The following BMPER variants were observed in gnomAD, a reference collection of about 807,000 sequenced individuals.
BMPER encodes BMP binding endothelial regulator, also known as BMP-binding endothelial regulator protein.
In BMPER, 45 loss-of-function variants were observed where a neutral mutation model predicts 87.3. The ratio of observed to expected loss-of-function variants is 0.52; its 90% CI spans 0.41 to 0.66. The LOEUF is 0.66. Ranked by LOEUF, BMPER falls within the 30% of genes least tolerant of loss-of-function variation. The probability of loss-of-function intolerance (pLI) is 0.00; values close to 1 mark genes in which losing one functional copy is unlikely to be tolerated. For synonymous variants in BMPER, 326 were observed against 316.2 expected, an observed-to-expected ratio of 1.03 and a Z score of -0.33; for missense variants, 784 against 867.5, an observed-to-expected ratio of 0.90 and a Z score of 1.21.
intron 2 of BMPER, among the ~76,000 whole-genome samples, chr7:33,917,906 T>G (rs1217331730): frequency 1.3e-5 from 2 of 152,204 alleles, no homozygotes; most frequent in East Asian, 3.9e-4. Context: ...AAGGCTATTT[T>G]TAGTAGGGAC....
chr7:33,989,457 AG>A (rs1585710440), intron 6 of BMPER, among the ~76,000 whole-genome samples: 1 of 151,644 alleles, frequency 6.6e-6, no homozygotes, highest in African/African-American at 2.4e-5. Flanking sequence ...ACTTTTTGAT[AG>A]GGTTGTTTGT....
chr7:33,973,423 G>A (rs1164378407), intron 5 of BMPER, among the ~76,000 whole-genome samples: 3 of 152,248 alleles, frequency 2.0e-5, no homozygotes, highest in Admixed American at 2.0e-4. Flanking sequence ...GTAGCATACA[G>A]ATCTTATGCC....
intron 2 of BMPER, among the ~76,000 whole-genome samples, chr7:33,917,352 G>T (rs1784109188): frequency 6.6e-6 from 1 of 152,096 alleles, no homozygotes; most frequent in Non-Finnish European, 1.5e-5. Context: ...TTTCTTTTAA[G>T]GACAAAGGCC....
rs118049461 is a variant in BMPER at position 34,153,795 on chromosome 7, G to A, written c.*522G>A. On this transcript the variant is annotated 3_prime_UTR_variant, in exon 15 of 15. Transcript: ENST00000649409. ...GAAAGACAGCAGGAGATTGGTGACC[G>A]GCCCTAATGGTGCATGAAAAGCGAG... 564 of 167,214 alleles carry A rather than the reference G, an allele frequency of 3.4e-3. 21 individuals are homozygous for A. The East Asian group carries it at 0.077, about 23-fold the overall frequency. The allele number at this position is 167,214 out of a possible 1,614,324, so 10.4% of individuals were successfully genotyped here.
chr7:34,061,726 G>A (rs1788439490), intron 10 of BMPER, among the ~76,000 whole-genome samples: 1 of 152,148 alleles, frequency 6.6e-6, no homozygotes, highest in African/African-American at 2.4e-5. Flanking sequence ...CCTTCCATGT[G>A]AGAAAAATCA....
At chr7:34,134,432 G>T (rs1202583009) in intron 13 of BMPER, among the ~76,000 whole-genome samples, 1 of 152,162 alleles carries the variant, frequency 6.6e-6, no homozygotes, top group Non-Finnish European at 1.5e-5. Flanking sequence ...AGACCATCTT[G>T]CAAGATTTGC....
In BMPER at chr7:34,153,722, T is replaced by G. The variant is rs945580655; in HGVS notation, c.*449T>G. 5.2e-6 allele frequency: 1 copy of G among 192,796 alleles called. No individual in the cohort carries two copies. Among genetic ancestry groups the G allele is most frequent in the African/African-American group, 2.4e-5 (1 of 42,016 alleles). The allele number at this position is 192,796 out of a possible 1,614,324, so 11.9% of individuals were successfully genotyped here. A position where few individuals can be genotyped will look rare whatever the true frequency, so the allele number is the denominator to read the frequency against. ...ATGTGTTTCTCTGGAGAAGGGCACATTTATCTAGGGGCATTTCAGGTTTCC... is the reference window on the plus strand; with the variant it reads ...ATGTGTTTCTCTGGAGAAGGGCACAGTTATCTAGGGGCATTTCAGGTTTCC... On this transcript the variant is annotated 3_prime_UTR_variant, in exon 15 of 15. Transcript: ENST00000649409.
At chr7:34,122,930 T>A (rs545970611) in intron 13 of BMPER, among the ~76,000 whole-genome samples, 1 of 152,324 alleles carries the variant, frequency 6.6e-6, no homozygotes, top group Middle Eastern at 3.4e-3. Context: ...GCTCTTCGGA[T>A]TAGTTCTTAT....
intron 3 of BMPER, among the ~76,000 whole-genome samples, chr7:33,952,299 C>T (rs1034873638): frequency 2.0e-5 from 3 of 152,130 alleles, no homozygotes; most frequent in Non-Finnish European, 4.4e-5. Context: ...GAGTAAACTG[C>T]TCAGCACTTT....
At chr7:34,025,954 T>G (rs953867688) in intron 6 of BMPER, among the ~76,000 whole-genome samples, 4 of 151,990 alleles carry the variant, frequency 2.6e-5, no homozygotes, top group Non-Finnish European at 5.9e-5. Flanking sequence ...GTCAGGGTAA[T>G]GAGTTGGTCT....
At chr7:33,945,680 GACCTTT>G (rs1485596197) in intron 3 of BMPER, among the ~76,000 whole-genome samples, 1 of 152,142 alleles carries the variant, frequency 6.6e-6, no homozygotes, top group Non-Finnish European at 1.5e-5. Context: ...TTGATTTTAA[GACCTTT>G]ACCTCCATCT....
intron 3 of BMPER, among the ~76,000 whole-genome samples, chr7:33,956,044 A>C (rs1428231325): frequency 6.6e-6 from 1 of 152,160 alleles, no homozygotes; most frequent in East Asian, 1.9e-4. Context: ...AACCACAAAA[A>C]AAAAAACACC....
intron 6 of BMPER, among the ~76,000 whole-genome samples, chr7:33,995,056 AT>A (rs1473186790): frequency 6.6e-6 from 1 of 152,082 alleles, no homozygotes; most frequent in Non-Finnish European, 1.5e-5. Context: ...ATACTGTAAA[AT>A]TTACTCTTTT....
At chr7:34,081,429 C>T (rs1016566967) in intron 12 of BMPER, among the ~76,000 whole-genome samples, 2 of 152,336 alleles carry the variant, frequency 1.3e-5, no homozygotes, top group East Asian at 1.9e-4. Flanking sequence ...ACTCTTTGAC[C>T]CTGCGGTTTA....
Position 34,001,563 on chromosome 7 carries a change from C to CT in BMPER, c.576+26793dup, listed in dbSNP as rs34700644. Among the ~76,000 whole-genome samples the CT allele has an allele frequency of 2.3e-3, 322 of 138,576 alleles. 1 individual carries two copies. The highest frequency in any genetic ancestry group is 5.4e-3 in the African/African-American group (209 of 38,362). 90.9% of individuals were successfully genotyped at this position (138,576 alleles called of 152,430 possible). On this transcript the variant is annotated intron_variant, in intron 6 of 14. Coordinates refer to ENST00000649409, the MANE Select transcript of BMPER (RefSeq NM_001365308.1). ...GATTTTAGTAATTTGAATCTGCTTT[C>CT]TTTTTTTTTTTTTTCTGTTCAGTCT...
At chr7:33,948,648 C>G (rs1784946360) in intron 3 of BMPER, among the ~76,000 whole-genome samples, 1 of 152,138 alleles carries the variant, frequency 6.6e-6, no homozygotes, top group South Asian at 2.1e-4. Flanking sequence ...TTGTGTGGCA[C>G]TTCTCCCTTT....
At position 34,154,278 on chromosome 7, in the gene BMPER, T is replaced by A. The variant is rs759474134; in HGVS notation, c.*1005T>A. ...TTAATATGTTATAATTATTAGACAG[T>A]GGAAAAGCCTTTATTGACTAATTGA... On this transcript the variant is annotated 3_prime_UTR_variant, in exon 15 of 15. Coordinates refer to ENST00000649409, the MANE Select transcript of BMPER (RefSeq NM_001365308.1). The A allele has an allele frequency of 5.9e-5, 9 of 152,252 alleles. No homozygotes were observed. Among genetic ancestry groups the A allele is most frequent in the Non-Finnish European group, 1.2e-4 (8 of 68,022 alleles). The allele number at this position is 152,252 out of a possible 1,614,324, so 9.4% of individuals were successfully genotyped here.
At chr7:34,103,644 G>A (rs1420338) in intron 13 of BMPER, among the ~76,000 whole-genome samples, 89,385 of 152,026 alleles carry the variant, frequency 0.59, 26,774 homozygotes, top group East Asian at 0.83. Flanking sequence ...TGCCTGGGAA[G>A]AAGTCTTGGA....
intron 11 of BMPER, among the ~76,000 whole-genome samples, chr7:34,074,446 C>T (rs1240289972): frequency 2.0e-5 from 3 of 152,196 alleles, no homozygotes; most frequent in African/African-American, 4.8e-5. Context: ...TATCAGAGGC[C>T]TCCATCACTG....
Sources: allele counts gnomAD v4.1 joint callset (sites outside exome capture counted in the v4.1 genomes callset), GRCh38; gene constraint gnomAD v4.1.1; transcripts MANE v1.5; gene names NCBI Gene and HGNC (gene_info 2026-07-23, HGNC 2026-07-21).